Variants in LRMDA observed in about 807,000 individuals in gnomAD.
LRMDA encodes the protein leucine rich melanocyte differentiation associated, also known as leucine-rich melanocyte differentiation-associated protein.
Under a neutral mutation model 29.8 loss-of-function variants are expected in LRMDA, and 18 were observed. That is an observed-to-expected ratio of 0.60 (90% CI 0.42 to 0.90). The LOEUF is 0.90. Among genes scored for constraint, LRMDA ranks in the 40% least tolerant of loss-of-function variants. LRMDA has a pLI of 0.00. For synonymous variants in LRMDA, 125 were observed against 109.4 expected (o/e 1.14, Z -0.89); for missense variants, 273 against 273.9 (o/e 1.00, Z 0.02).
chr10:76,221,091 T>C (rs1336210400), intron 5 of LRMDA, among the ~76,000 whole-genome samples: 1 of 152,116 alleles, frequency 6.6e-6, no homozygotes, highest in African/African-American at 2.4e-5. Context: ...CTAAAAACTC[T>C]CAATAAATTA....
In LRMDA at chr10:76,063,841, C is replaced by T. The variant is rs145225168; in HGVS notation, c.516+5058C>T. Among the ~76,000 whole-genome samples the T allele has an allele frequency of 8.4e-3, 1,284 of 152,208 alleles. 7 individuals carry two copies. Among genetic ancestry groups the T allele is most frequent in the Middle Eastern group, 0.02 (6 of 294 alleles). Reference sequence around the variant, plus strand: ...CATCTGTGTCTGTGTTTTTAGGTTTCCATGCAAAAGGCCATCTAGGATGAA... The same window carrying T: ...CATCTGTGTCTGTGTTTTTAGGTTTTCATGCAAAAGGCCATCTAGGATGAA... On this transcript the variant is annotated intron_variant, in intron 5 of 6. Coordinates refer to ENST00000611255, the MANE Select transcript of LRMDA (RefSeq NM_001305581.2).
chr10:75,618,555 CA>C (rs1337432240), intron 2 of LRMDA, among the ~76,000 whole-genome samples: 5 of 147,132 alleles, frequency 3.4e-5, no homozygotes, highest in African/African-American at 7.4e-5. Flanking sequence ...ATGTGGGGGT[CA>C]GGGGCACTGA....
intron 5 of LRMDA, among the ~76,000 whole-genome samples, chr10:76,193,531 T>G (rs977449785): frequency 6.6e-6 from 1 of 152,208 alleles, no homozygotes; most frequent in Non-Finnish European, 1.5e-5. Flanking sequence ...GAGTTTTGTT[T>G]TATTGTTATT....
intron 6 of LRMDA, among the ~76,000 whole-genome samples, chr10:76,362,251 G>C (rs181708226): frequency 2.0e-5 from 3 of 152,180 alleles, no homozygotes; most frequent in African/African-American, 7.2e-5. Flanking sequence ...AAATGTGATC[G>C]TGATTTTTGT....
intron 2 of LRMDA, among the ~76,000 whole-genome samples, chr10:75,961,384 A>G (rs1205412697): frequency 6.6e-6 from 1 of 152,208 alleles, no homozygotes; most frequent in Non-Finnish European, 1.5e-5. Context: ...TTGTTTTACT[A>G]TTATTCAATT....
chr10:75,609,421 T>C (rs985104521), intron 2 of LRMDA, among the ~76,000 whole-genome samples: 1 of 152,312 alleles, frequency 6.6e-6, no homozygotes, highest in Admixed American at 6.5e-5. Flanking sequence ...TGAGCTTCAT[T>C]TGAACAATAT....
chr10:76,397,449 A>G (rs963040419), intron 6 of LRMDA, among the ~76,000 whole-genome samples: 4 of 152,142 alleles, frequency 2.6e-5, no homozygotes, highest in African/African-American at 9.7e-5. Context: ...TTAATTTCCT[A>G]ACTTTGTGGG....
chr10:75,573,245 A>G (rs1840459099), intron 2 of LRMDA, among the ~76,000 whole-genome samples: 1 of 152,160 alleles, frequency 6.6e-6, no homozygotes, highest in Non-Finnish European at 1.5e-5. Flanking sequence ...ATAATATTAC[A>G]TATCAATGTG....
At chr10:76,036,609 G>A (rs1848251582) in intron 3 of LRMDA, among the ~76,000 whole-genome samples, 1 of 152,174 alleles carries the variant, frequency 6.6e-6, no homozygotes, top group Non-Finnish European at 1.5e-5. Context: ...CCGTTTTGGT[G>A]AGGGAAAGGA....
intron 2 of LRMDA, among the ~76,000 whole-genome samples, chr10:75,611,883 A>T (rs1240393162): frequency 1.3e-5 from 2 of 152,132 alleles, no homozygotes; most frequent in African/African-American, 4.8e-5. Context: ...AGGCCTGCAA[A>T]AGGAGATTTC....
chr10:75,746,544 G>A (rs976576770), intron 2 of LRMDA, among the ~76,000 whole-genome samples: 1 of 152,126 alleles, frequency 6.6e-6, no homozygotes, highest in African/African-American at 2.4e-5. Flanking sequence ...TATTTGCAGA[G>A]GCTCTTACAA....
At chr10:76,491,739 GTTA>G (rs1458974498) in intron 6 of LRMDA, among the ~76,000 whole-genome samples, 6 of 151,814 alleles carry the variant, frequency 4.0e-5, no homozygotes, top group Non-Finnish European at 7.4e-5. Context: ...AAAGTCCTCT[GTTA>G]TTATCCCTTT....
chr10:75,625,078 C>G (rs1342695872), intron 2 of LRMDA, among the ~76,000 whole-genome samples: 1 of 152,198 alleles, frequency 6.6e-6, no homozygotes, highest in Non-Finnish European at 1.5e-5. Flanking sequence ...TAGTTAGTCT[C>G]AGCCCTGGAA....
At chr10:75,701,074 A>T (rs1842302926) in intron 2 of LRMDA, among the ~76,000 whole-genome samples, 1 of 152,144 alleles carries the variant, frequency 6.6e-6, no homozygotes, top group South Asian at 2.1e-4. Flanking sequence ...TCCTGCATTG[A>T]GTGTGACTGT....
chr10:76,328,277 G>A (rs981559363), intron 6 of LRMDA, among the ~76,000 whole-genome samples: 8 of 152,162 alleles, frequency 5.3e-5, no homozygotes, highest in East Asian at 3.9e-4. Flanking sequence ...ATGCCCCAGC[G>A]TGCCAGGTAT....
chr10:75,724,003 T>C (rs568814181), intron 2 of LRMDA, among the ~76,000 whole-genome samples: 3 of 152,326 alleles, frequency 2.0e-5, no homozygotes, highest in Non-Finnish European at 4.4e-5. Context: ...TCCTTTGATT[T>C]GCTATGAAAT....
At chr10:76,397,499 T>G (rs748957545) in intron 6 of LRMDA, among the ~76,000 whole-genome samples, 7 of 152,258 alleles carry the variant, frequency 4.6e-5, no homozygotes, top group Non-Finnish European at 7.3e-5. Context: ...GACCACTTCA[T>G]AATTTGTTTC....
chr10:75,582,513 G>T (rs1002057316), intron 2 of LRMDA, among the ~76,000 whole-genome samples: 1 of 152,206 alleles, frequency 6.6e-6, no homozygotes, highest in Non-Finnish European at 1.5e-5. Context: ...GTGTCCTGAG[G>T]CTGGGCAGGG....
At chr10:76,494,987 A>G (rs1056128111) in intron 6 of LRMDA, among the ~76,000 whole-genome samples, 2 of 152,016 alleles carry the variant, frequency 1.3e-5, no homozygotes, top group East Asian at 1.9e-4. Flanking sequence ...TCTTTCATAT[A>G]GCAAATTTTT....
Sources: allele counts gnomAD v4.1 joint callset (sites outside exome capture counted in the v4.1 genomes callset), GRCh38; gene constraint gnomAD v4.1.1; transcripts MANE v1.5; gene names NCBI Gene and HGNC (gene_info 2026-07-23, HGNC 2026-07-21).